GALNT17: variants seen among roughly 807,000 people sequenced by gnomAD.
The protein encoded by GALNT17 is polypeptide N-acetylgalactosaminyltransferase 17.
In GALNT17, 29 loss-of-function variants were observed where a neutral mutation model predicts 63.7. That is an observed-to-expected ratio of 0.46 (90% CI 0.34 to 0.62). GALNT17 has a LOEUF of 0.62. Among genes scored for constraint, GALNT17 ranks in the 20% least tolerant of loss-of-function variants. The probability of loss-of-function intolerance (pLI) is 0.01; values close to 1 mark genes in which losing one functional copy is unlikely to be tolerated. For missense variants in GALNT17, 603 were observed against 799.6 expected (o/e 0.75, Z 2.97); for synonymous variants, 305 against 318.3 (o/e 0.96, Z 0.45).
chr7:71,191,418 T>C (rs1049408612), intron 1 of GALNT17, among the ~76,000 whole-genome samples: 1 of 151,688 alleles, frequency 6.6e-6, no homozygotes, highest in Admixed American at 6.6e-5. Flanking sequence ...GGAAAATAAA[T>C]ATGGTAGACT....
At chr7:71,238,863 T>G (rs1789942620) in intron 1 of GALNT17, among the ~76,000 whole-genome samples, 1 of 152,232 alleles carries the variant, frequency 6.6e-6, no homozygotes, top group South Asian at 2.1e-4. Context: ...TAGGTTATAA[T>G]AAGACTGTGG....
intron 5 of GALNT17, among the ~76,000 whole-genome samples, chr7:71,443,215 C>T (rs896348544): frequency 6.6e-6 from 1 of 152,186 alleles, no homozygotes; most frequent in African/African-American, 2.4e-5. Context: ...GTCTCTGCAA[C>T]TTCTCAGTTC....
At chr7:71,372,376 G>T (rs1792640765) in intron 2 of GALNT17, among the ~76,000 whole-genome samples, 1 of 151,990 alleles carries the variant, frequency 6.6e-6, no homozygotes, top group South Asian at 2.1e-4. Flanking sequence ...TGTTGGACAG[G>T]CTGGTCTCGA....
chr7:71,498,239 G>A (rs1788126940), intron 5 of GALNT17, among the ~76,000 whole-genome samples: 1 of 152,162 alleles, frequency 6.6e-6, no homozygotes, highest in South Asian at 2.1e-4. Flanking sequence ...ACTTTGGTAG[G>A]CTGAGGTGGG....
At chr7:71,289,728 A>T (rs1297742061) in intron 1 of GALNT17, among the ~76,000 whole-genome samples, 1 of 151,858 alleles carries the variant, frequency 6.6e-6, no homozygotes, top group African/African-American at 2.4e-5. Context: ...AAAAAAACAA[A>T]ATTAGCCAGG....
chr7:71,177,120 G>A (rs979790274), intron 1 of GALNT17, among the ~76,000 whole-genome samples: 3 of 152,094 alleles, frequency 2.0e-5, no homozygotes, highest in African/African-American at 7.2e-5. Context: ...GAGCATGTAG[G>A]GGCCTGTCGG....
chr7:71,682,876 A>T (rs1314434547), intron 9 of GALNT17, among the ~76,000 whole-genome samples: 1 of 152,080 alleles, frequency 6.6e-6, no homozygotes, highest in Non-Finnish European at 1.5e-5. Flanking sequence ...GCCTGTGGTT[A>T]AAATTTAATG....
chr7:71,695,303 G>A (rs754128975), intron 9 of GALNT17, among the ~76,000 whole-genome samples: 3 of 152,120 alleles, frequency 2.0e-5, no homozygotes, highest in Non-Finnish European at 4.4e-5. Flanking sequence ...TGAGGTTTTT[G>A]TGGCACAAAG....
intron 1 of GALNT17, among the ~76,000 whole-genome samples, chr7:71,329,142 G>C (rs942821434): frequency 3.9e-5 from 6 of 152,270 alleles, no homozygotes; most frequent in Admixed American, 2.6e-4. Context: ...GGAAGAATCA[G>C]AGGTTTTTCT....
chr7:71,262,174 C>A (rs1471524743), intron 1 of GALNT17, among the ~76,000 whole-genome samples: 1 of 151,638 alleles, frequency 6.6e-6, no homozygotes, highest in East Asian at 2.0e-4. Context: ...TGCAGTGGTG[C>A]GATCATAGCT....
intron 6 of GALNT17, among the ~76,000 whole-genome samples, chr7:71,614,061 T>C (rs932853712): frequency 2.0e-5 from 3 of 152,120 alleles, no homozygotes; most frequent in East Asian, 1.9e-4. Context: ...TTAGTCCTCA[T>C]AGTGCAGGAT....
intron 1 of GALNT17, among the ~76,000 whole-genome samples, chr7:71,272,884 T>C (rs143605146): frequency 9.2e-5 from 14 of 152,198 alleles, no homozygotes; most frequent in African/African-American, 1.9e-4. Flanking sequence ...GTAGAAGATA[T>C]AGAGTTAATC....
intron 6 of GALNT17, among the ~76,000 whole-genome samples, chr7:71,656,101 T>A (rs1297553544): frequency 1.3e-5 from 2 of 152,182 alleles, no homozygotes; most frequent in Non-Finnish European, 2.9e-5. Flanking sequence ...CAGAACTCTT[T>A]GGGTACTTAC....
At chr7:71,682,807 A>G (rs932483829) in intron 9 of GALNT17, among the ~76,000 whole-genome samples, 2 of 151,924 alleles carry the variant, frequency 1.3e-5, no homozygotes, top group East Asian at 3.9e-4. Flanking sequence ...ATCTCAGGCA[A>G]TTTTCTCACC....
chr7:71,224,330 C>T (rs1371077284), intron 1 of GALNT17, among the ~76,000 whole-genome samples: 2 of 152,166 alleles, frequency 1.3e-5, no homozygotes, highest in African/African-American at 2.4e-5. Flanking sequence ...AGGCATGAAC[C>T]GAGCCTGGCC....
chr7:71,536,059 C>T (rs62459931), intron 5 of GALNT17, among the ~76,000 whole-genome samples: 62,325 of 152,040 alleles, frequency 0.41, 13,468 homozygotes, highest in African/African-American at 0.55. Flanking sequence ...TATGACTCAA[C>T]TGACTATTTG....
intron 1 of GALNT17, among the ~76,000 whole-genome samples, chr7:71,327,960 C>T (rs1791732571): frequency 6.6e-6 from 1 of 152,126 alleles, no homozygotes; most frequent in African/African-American, 2.4e-5. Flanking sequence ...AAGAAGTGTC[C>T]TTATGTTGCC....
At chr7:71,661,865 C>G (rs1171478755) in intron 6 of GALNT17, among the ~76,000 whole-genome samples, 1 of 152,200 alleles carries the variant, frequency 6.6e-6, no homozygotes, top group Non-Finnish European at 1.5e-5. Context: ...ACAGGAAGCC[C>G]ATGTCTCTGC....
At chr7:71,156,767 A>G (rs1026262772) in intron 1 of GALNT17, among the ~76,000 whole-genome samples, 3 of 143,226 alleles carry the variant, frequency 2.1e-5, no homozygotes, top group Non-Finnish European at 4.5e-5. Context: ...CTCACTGCCC[A>G]GGAGTGCAGT....
Sources: gnomAD v4.1 joint callset for allele counts (sites outside exome capture counted in the v4.1 genomes callset) on GRCh38, gnomAD v4.1.1 for gene constraint, MANE v1.5 for transcripts, NCBI Gene and HGNC (gene_info 2026-07-23, HGNC 2026-07-21) for gene names.